The following MMP1 variants were observed in gnomAD, a reference collection of about 807,000 sequenced individuals.
MMP1 encodes the protein matrix metallopeptidase 1.
Under a neutral mutation model 49.6 loss-of-function variants are expected in MMP1, and 51 were observed. That is an observed-to-expected ratio of 1.03 (90% confidence interval 0.82 to 1.30). MMP1 has a LOEUF of 1.30. MMP1 is among the 50% of genes most tolerant of loss of function. The pLI is 0.00. For synonymous variants in MMP1, 230 were observed against 196.8 expected, an observed-to-expected ratio of 1.17 and a Z score of -1.41; for missense variants, 623 against 568.7, an observed-to-expected ratio of 1.10 and a Z score of -0.97.
In MMP1 at chr11:102,797,314, C is replaced by A. The variant is rs779266663; in HGVS notation, c.292G>T (p.Ala98Ser). Residue 98 changes from alanine to serine, a missense_variant, in exon 2 of 10, where the codon GCT (alanine) becomes TCT (serine). Physicochemically the swap from Ala to Ser is moderately conservative, Grantham distance 99 (BLOSUM62 1). Transcript: ENST00000315274. Reference sequence around the variant, plus strand: ...TTCCCCTCAGTGAGGACAAACTGAGCCACATCAGGCACTCCACATCTGGGC... The same window carrying A: ...TTCCCCTCAGTGAGGACAAACTGAGACACATCAGGCACTCCACATCTGGGC... ...KQPRCGVPDV[A>S]QFVLTEGNPR... 6.2e-7 allele frequency: 1 copy of A among 1,614,180 alleles called. No homozygotes were observed. The highest frequency in any genetic ancestry group is 1.7e-5 in the Admixed American group (1 of 60,006).
chr11:102,798,125 A>G lies in MMP1; in HGVS notation c.-33T>C, dbSNP rs1186793936. On this transcript the variant is annotated 5_prime_UTR_variant, in exon 1 of 10. Transcript: ENST00000315274. ...TTTGTCTTCTTTCTCAGTGCAAGGTAAGTGATGGCTTCCCAGCCTCTTGCT... is the reference window on the plus strand; with the variant it reads ...TTTGTCTTCTTTCTCAGTGCAAGGTGAGTGATGGCTTCCCAGCCTCTTGCT... The G allele has an allele frequency of 6.4e-7, 1 of 1,559,946 alleles. No individual in the cohort carries two copies. The highest frequency in any genetic ancestry group is 8.7e-7 in the Non-Finnish European group (1 of 1,147,466).
In MMP1 at chr11:102,795,516, G is replaced by T. The variant is rs1858161675; in HGVS notation, c.717C>A (p.Ser239Arg). 6.2e-7 allele frequency: 1 copy of T among 1,613,976 alleles called. No individual in the cohort carries two copies. The highest frequency in any genetic ancestry group is 1.3e-5 in the African/African-American group (1 of 74,916). ...STDIGALMYP[S>R]YTFSGDVQLA... ...GCTGAACATCACCACTGAAGGTGTAGCTAGGGTACATCAAAGCCCCGATAT... is the reference window on the plus strand; with the variant it reads ...GCTGAACATCACCACTGAAGGTGTATCTAGGGTACATCAAAGCCCCGATAT... The change falls in exon 5 of 10, where the codon AGC becomes AGA. Residue 239 changes from serine to arginine, a missense_variant. Transcript: ENST00000315274.
In MMP1 at chr11:102,797,299, T is replaced by C. The variant is rs749612523; in HGVS notation, c.307A>G (p.Thr103Ala). 46 of 1,614,090 alleles carry C rather than the reference T, an allele frequency of 2.8e-5. No homozygotes were observed. Among genetic ancestry groups the C allele is most frequent in the Non-Finnish European group, 3.8e-5 (45 of 1,180,044 alleles). Reference protein sequence around the residue: ...GVPDVAQFVLTEGNPRWEQTH... With the variant: ...GVPDVAQFVLAEGNPRWEQTH... ...TGCTCCCAGCGAGGGTTCCCCTCAG[T>C]GAGGACAAACTGAGCCACATCAGGC... is the stretch of plus-strand genomic sequence containing the variant. The change falls in exon 2 of 10, where the codon ACT (threonine) becomes GCT (alanine). Residue 103 changes from threonine (T) to alanine (A), a missense_variant. Transcript: ENST00000315274.
In MMP1 at chr11:102,794,617, C is replaced by T. The variant is rs909384574; in HGVS notation, c.899+557G>A. On this transcript the variant is annotated intron_variant, in intron 6 of 9. Coordinates refer to ENST00000315274, the MANE Select transcript of MMP1 (RefSeq NM_002421.4). This position sits in a 1 kb window ranked among gnomAD's most constrained non-coding sequence, Gnocchi z 4.3. ...TTTCCCAGCATTGGTGCCCTCTCTT[C>T]TCTTCTTCTCTGGGCCTCCAGGGGG... Among the ~76,000 whole-genome samples the T allele has an allele frequency of 1.3e-5, 2 of 152,192 alleles. No homozygotes were observed. Among genetic ancestry groups the T allele is most frequent in the African/African-American group, 2.4e-5 (1 of 41,450 alleles).
At chr11:102,793,441 G>T (rs566118849) in intron 6 of MMP1, among the ~76,000 whole-genome samples, 6 of 152,210 alleles carry the variant, frequency 3.9e-5, no homozygotes, top group Non-Finnish European at 7.4e-5. Context: ...TTTAATAATG[G>T]CTATGGTTCA....
intron 4 of MMP1, 138 bp from the exon 5 acceptor site, chr11:102,795,745 C>A: frequency 2.8e-6 from 2 of 709,926 alleles, no homozygotes; most frequent in South Asian, 2.3e-5. Flanking sequence ...GCATGTATAT[C>A]TTTTTTCCGA....
At position 102,798,009 on chromosome 11, in the gene MMP1, C is replaced by T; in HGVS notation, c.84G>A (p.Glu28=). 6.2e-7 allele frequency: 1 copy of T among 1,613,458 alleles called. No homozygotes were observed. Among genetic ancestry groups the T allele is most frequent in the East Asian group, 2.2e-5 (1 of 44,884 alleles). The part of the protein sequence containing the change: ...HSFPATLETQ[E]QDVDLVQKYL... ...TTACCTGGACTAAGTCCACATCTTG[C>T]TCTTGTGTTTCTAGAGTCGCTGGGA... is the stretch of plus-strand genomic sequence containing the variant. Residue 28 remains glutamate (E), a synonymous_variant, in exon 1 of 10, where the codon GAG becomes GAA. Coordinates refer to ENST00000315274, the MANE Select transcript of MMP1 (RefSeq NM_002421.4).
chr11:102,790,542 A>G, intron 9 of MMP1, 21 bp from the exon 10 acceptor site: 1 of 1,471,724 alleles, frequency 6.8e-7, no homozygotes, highest in East Asian at 2.3e-5. Context: ...AACAAAAGAG[A>G]CTTACTACAT....
At chr11:102,796,524 C>T in intron 4 of MMP1, 140 bp downstream of exon 4, 1 of 995,058 alleles carries the variant, frequency 1.0e-6, no homozygotes, top group Non-Finnish European at 1.4e-6. Flanking sequence ...TTTCACTTTT[C>T]TAAGTGTATC....
At position 102,798,108 on chromosome 11, in the gene MMP1, C is replaced by T. The variant is rs1307165678; in HGVS notation, c.-16G>A. ...AGCTGTGCATACTGGCCTTTGTCTT[C>T]TTTCTCAGTGCAAGGTAAGTGATGG... On this transcript the variant is annotated 5_prime_UTR_variant, in exon 1 of 10. Coordinates refer to ENST00000315274, the MANE Select transcript of MMP1 (RefSeq NM_002421.4). 1.9e-6 allele frequency: 3 copies of T among 1,597,380 alleles called. No homozygotes were observed. The highest frequency in any genetic ancestry group is 2.7e-5 in the African/African-American group (2 of 74,616).
chr11:102,793,699 C>T (rs1291219549), intron 6 of MMP1, among the ~76,000 whole-genome samples: 1 of 152,164 alleles, frequency 6.6e-6, no homozygotes, highest in Non-Finnish European at 1.5e-5. Context: ...TGGTAAGAGG[C>T]TAAGGTTGAT....
Position 102,791,527 on chromosome 11 carries a change from G to C in MMP1, c.1034-32C>G, listed in dbSNP as rs1170357676. The C allele has an allele frequency of 2.5e-6, 4 of 1,608,598 alleles. No homozygotes were observed. In the African/African-American group the frequency reaches 5.3e-5, roughly 22 times the overall value. ...ATCAAGAAAGAGTGATAAAACACTT[G>C]CCTAAGACTTCAATAGGCAGTAAGT... is the stretch of plus-strand genomic sequence containing the variant. On this transcript the variant is annotated intron_variant, in intron 7 of 9. Coordinates refer to ENST00000315274, the MANE Select transcript of MMP1 (RefSeq NM_002421.4).
rs17881028 is a variant in MMP1 at position 102,797,955 on chromosome 11, T to A, written c.105+33A>T. 100,760 of 1,471,896 alleles carry A rather than the reference T, an allele frequency of 0.068. 3,950 individuals are homozygous for A. The highest frequency in any genetic ancestry group is 0.08 in the Non-Finnish European group (84,752 of 1,065,794). The allele number at this position is 1,471,896 out of a possible 1,614,324, so 91.2% of individuals were successfully genotyped here. On this transcript the variant is annotated intron_variant, in intron 1 of 9. Transcript: ENST00000315274. Reference sequence around the variant, plus strand: ...CTGCAGAAAAATACAAACTAAAAATTTACATTATTGTCACATGCAATGCAG... The same window carrying A: ...CTGCAGAAAAATACAAACTAAAAATATACATTATTGTCACATGCAATGCAG...
chr11:102,796,149 C>T (rs1305287757), intron 4 of MMP1, among the ~76,000 whole-genome samples: 8 of 152,122 alleles, frequency 5.3e-5, no homozygotes, highest in African/African-American at 1.4e-4. Context: ...CAGGGTTTCA[C>T]CATATTGGTC....
In MMP1 at chr11:102,790,695, T is replaced by A; in HGVS notation, c.1300+8A>T. 1 of 1,581,416 alleles carries A rather than the reference T, an allele frequency of 6.3e-7. No individual in the cohort carries two copies. Among genetic ancestry groups the A allele is most frequent in the Non-Finnish European group, 8.7e-7 (1 of 1,150,546 alleles). On this transcript the variant is annotated splice_region_variant and intron_variant, in intron 9 of 9. Coordinates refer to ENST00000315274, the MANE Select transcript of MMP1 (RefSeq NM_002421.4). ...TGAAATGGAGGAAATACATGTATAT[T>A]CACTTACCATCTTTCATGAAAACTG...
At chr11:102,792,760 A>G (rs1409186854) in intron 6 of MMP1, 22 bp from the exon 7 acceptor site, 4 of 1,605,736 alleles carry the variant, frequency 2.5e-6, no homozygotes, top group Admixed American at 1.7e-5. Flanking sequence ...AAAAGCAAGA[A>G]AAGTTTCCAT....
chr11:102,796,891 C>G, intron 3 of MMP1, 102 bp from the exon 4 acceptor site: 1 of 1,536,284 alleles, frequency 6.5e-7, no homozygotes, highest in Non-Finnish European at 8.8e-7. Flanking sequence ...CTTCCATCAA[C>G]TGTGATGCAG....
chr11:102,797,907 C>T (rs1032595487), intron 1 of MMP1, 81 bp downstream of exon 1: 2 of 1,060,456 alleles, frequency 1.9e-6, no homozygotes, highest in Non-Finnish European at 2.7e-6. Context: ...AGAAACCTAT[C>T]CTTAAAAAAC....
Position 102,790,376 on chromosome 11 carries a change from C to A in MMP1, c.*36G>T. 1 of 1,293,090 alleles carries A rather than the reference C, an allele frequency of 7.7e-7. No homozygotes were observed. Among genetic ancestry groups the A allele is most frequent in the South Asian group, 1.3e-5 (1 of 78,442 alleles). 80.1% of individuals were successfully genotyped at this position (1,293,090 alleles called of 1,614,324 possible). On this transcript the variant is annotated 3_prime_UTR_variant, in exon 10 of 10. Coordinates refer to ENST00000315274, the MANE Select transcript of MMP1 (RefSeq NM_002421.4). ...TCTTCAGGAAAACACCTTCTTTGGA[C>A]TCACACCATGTGTTTTCCATTCAAA...
Sources: gnomAD v4.1 joint callset for allele counts (sites outside exome capture counted in the v4.1 genomes callset) on GRCh38, gnomAD v4.1.1 for gene constraint, Gnocchi (gnomAD v3.1) non-coding constraint, MANE v1.5 for transcripts, NCBI Gene and HGNC (gene_info 2026-07-23, HGNC 2026-07-21) for gene names.